The following MAP2 variants were observed in gnomAD, a reference collection of about 807,000 sequenced individuals.
The protein encoded by MAP2 is microtubule-associated protein 2.
In MAP2, 14 loss-of-function variants were observed where a neutral mutation model predicts 137.6. The ratio of observed to expected loss-of-function variants is 0.10; its 90% CI spans 0.07 to 0.16. The LOEUF (loss-of-function observed/expected upper bound fraction) is 0.16, where lower values mean the gene tolerates loss of function less well. Ranked by LOEUF, MAP2 falls within the 10% of genes least tolerant of loss-of-function variation. The pLI, the probability that MAP2 is intolerant of heterozygous loss-of-function variation, is 1.00. For synonymous variants in MAP2, 786 were observed against 782.3 expected, an observed-to-expected ratio of 1.00 and a Z score of -0.08; for missense variants, 2,088 against 2,191.5, an observed-to-expected ratio of 0.95 and a Z score of 0.94.
intron 3 of MAP2, among the ~76,000 whole-genome samples, chr2:209,594,567 C>A (rs1579726118): frequency 6.6e-6 from 1 of 152,088 alleles, no homozygotes; most frequent in African/African-American, 2.4e-5. Context: ...TCTAGAATAT[C>A]TTCAAAATTT....
chr2:209,450,749 G>C (rs1700126231), intron 1 of MAP2, among the ~76,000 whole-genome samples: 1 of 152,090 alleles, frequency 6.6e-6, no homozygotes, highest in Non-Finnish European at 1.5e-5. Flanking sequence ...TCATTGGAAA[G>C]TCTGACTTCT....
intron 2 of MAP2, among the ~76,000 whole-genome samples, chr2:209,557,231 A>C (rs2153330161): frequency 6.6e-6 from 1 of 152,300 alleles, no homozygotes; most frequent in South Asian, 2.1e-4. Flanking sequence ...CAGACAACAG[A>C]CTTGTGGCAC....
chr2:209,486,155 C>T (rs116021162), intron 1 of MAP2, among the ~76,000 whole-genome samples: 1,999 of 152,240 alleles, frequency 0.013, 51 homozygotes, highest in African/African-American at 0.045. Flanking sequence ...TCTGCCTTGC[C>T]CTGAAGCACG....
rs182239816 is a variant in MAP2, at chr2:209,587,312, C to T, written c.-107+7212C>T. On this transcript the variant is annotated intron_variant, in intron 3 of 15. Transcript: ENST00000682079. ...TGCCACCCACTCCTACTAAAAGCCC[C>T]GGGTGACTCTGCTTAAAGCCACAGG... is the stretch of plus-strand genomic sequence containing the variant. Among the ~76,000 whole-genome samples the T allele has an allele frequency of 4.6e-5, 7 of 152,242 alleles. No individual in the cohort carries two copies. The East Asian group carries it at 5.8e-4, about 13-fold the overall frequency.
intron 13 of MAP2, among the ~76,000 whole-genome samples, chr2:209,723,209 C>T (rs1466730000): frequency 6.6e-6 from 1 of 152,166 alleles, no homozygotes. Context: ...CCTCTAGGGT[C>T]CTGTGCTGAA....
chr2:209,543,940 A>G (rs1295792190), intron 2 of MAP2, among the ~76,000 whole-genome samples: 2 of 152,168 alleles, frequency 1.3e-5, no homozygotes, highest in African/African-American at 4.8e-5. Context: ...TTAAAAAGGA[A>G]AAAAACAGGC....
Position 209,695,515 on chromosome 2 carries a change from C to T in MAP2, c.3345C>T (p.Ala1115=). The change falls in exon 8 of 16, where the codon GCC becomes GCT. Residue 1115 remains alanine (A), a synonymous_variant. Transcript: ENST00000682079. ...VSETEVKEKV[A]KPDLVHQEAV... ...AGACAGAAGTCAAAGAGAAGGTGGC[C>T]AAGCCTGACTTGGTGCACCAGGAGG... 1 of 1,614,050 alleles carries T rather than the reference C, an allele frequency of 6.2e-7. No individual in the cohort carries two copies. Among genetic ancestry groups the T allele is most frequent in the Non-Finnish European group, 8.5e-7 (1 of 1,180,006 alleles).
intron 2 of MAP2, among the ~76,000 whole-genome samples, chr2:209,521,672 A>G (rs146289870): frequency 6.6e-6 from 1 of 152,188 alleles, no homozygotes; most frequent in African/African-American, 2.4e-5. Context: ...CTGGGCCCCT[A>G]TGCCTCTCAA....
intron 7 of MAP2, among the ~76,000 whole-genome samples, chr2:209,689,440 G>T (rs2058181301): frequency 6.6e-6 from 1 of 151,848 alleles, no homozygotes; most frequent in Non-Finnish European, 1.5e-5. Context: ...TAAGAATTTT[G>T]TAAGAATCTT....
chr2:209,486,567 G>A (rs908332518), intron 1 of MAP2, among the ~76,000 whole-genome samples: 4 of 152,014 alleles, frequency 2.6e-5, no homozygotes, highest in Admixed American at 6.6e-5. Flanking sequence ...GATATGTCTC[G>A]GTTCACAGTC....
At chr2:209,510,860 A>C (rs539741795) in intron 2 of MAP2, among the ~76,000 whole-genome samples, 1 of 152,174 alleles carries the variant, frequency 6.6e-6, no homozygotes, top group African/African-American at 2.4e-5. Flanking sequence ...AATGATTTTC[A>C]TTCTTATAAA....
intron 1 of MAP2, among the ~76,000 whole-genome samples, chr2:209,478,583 C>T (rs1707953084): frequency 6.6e-6 from 1 of 152,200 alleles, no homozygotes; most frequent in Non-Finnish European, 1.5e-5. Flanking sequence ...CAGCACATCA[C>T]AGCTGCTGCG....
chr2:209,598,421 TA>T lies in MAP2; in HGVS notation c.-107+18322del, dbSNP rs906728180. Among the ~76,000 whole-genome samples the T allele has an allele frequency of 3.4e-4, 52 of 151,762 alleles. 1 individual carries two copies. Among genetic ancestry groups the T allele is most frequent in the African/African-American group, 1.2e-3 (51 of 41,524 alleles). On this transcript the variant is annotated intron_variant, in intron 3 of 15. Coordinates refer to ENST00000682079, the MANE Select transcript of MAP2 (RefSeq NM_001375505.1). ...TACTTTTTTTAAAATTTATTTATTT[TA>T]TTTATTTATTTTATTTTTTATTTTA...
chr2:209,531,536 A>G (rs929577056), intron 2 of MAP2, among the ~76,000 whole-genome samples: 9 of 152,190 alleles, frequency 5.9e-5, no homozygotes, highest in Non-Finnish European at 1.3e-4. Flanking sequence ...ATGCATGTCA[A>G]CTTTGAGAAT....
Position 209,730,494 on chromosome 2 carries a change from T to C in MAP2, c.*97T>C. 1 of 791,886 alleles carries C rather than the reference T, an allele frequency of 1.3e-6. No homozygotes were observed. The highest frequency in any genetic ancestry group is 2.5e-5 in the Admixed American group (1 of 40,208). The allele number at this position is 791,886 out of a possible 1,614,324, so 49.1% of individuals were successfully genotyped here. ...TGTTATATTCATTCTTTATAAACCA[T>C]AAAATAAATAATCTCATCCCCAAAC... is the stretch of plus-strand genomic sequence containing the variant. On this transcript the variant is annotated 3_prime_UTR_variant, in exon 16 of 16. Coordinates refer to ENST00000682079, the MANE Select transcript of MAP2 (RefSeq NM_001375505.1).
At chr2:209,482,227 T>A (rs190370020) in intron 1 of MAP2, among the ~76,000 whole-genome samples, 1 of 152,222 alleles carries the variant, frequency 6.6e-6, no homozygotes, top group African/African-American at 2.4e-5. Context: ...GGCAGAGTGC[T>A]ATGCTTGCTT....
chr2:209,624,075 T>TATAGACA (rs2091828288), intron 3 of MAP2, among the ~76,000 whole-genome samples: 2 of 152,196 alleles, frequency 1.3e-5, no homozygotes, highest in South Asian at 2.1e-4. Flanking sequence ...TACACATTGG[T>TATAGACA]CCTTAGAGGT....
intron 2 of MAP2, among the ~76,000 whole-genome samples, chr2:209,536,470 A>G (rs2065961668): frequency 6.6e-6 from 1 of 152,230 alleles, no homozygotes; most frequent in South Asian, 2.1e-4. Flanking sequence ...TTGTTCAGTC[A>G]CAGCAGTCTT....
At chr2:209,702,506 A>T (rs550367261) in intron 11 of MAP2, among the ~76,000 whole-genome samples, 21 of 151,410 alleles carry the variant, frequency 1.4e-4, no homozygotes, top group African/African-American at 4.4e-4. Flanking sequence ...TAACTTAAAA[A>T]TTTTTTTTCT....
Sources: allele counts gnomAD v4.1 joint callset (sites outside exome capture counted in the v4.1 genomes callset), GRCh38; gene constraint gnomAD v4.1.1; transcripts MANE v1.5; gene names NCBI Gene and HGNC (gene_info 2026-07-23, HGNC 2026-07-21).